MEIKIN: variants seen among roughly 807,000 people sequenced by gnomAD.
The protein encoded by MEIKIN is meiotic kinetochore factor, also known as meiosis-specific kinetochore protein.
intron 4 of MEIKIN, among the ~76,000 whole-genome samples, chr5:131,936,680 C>G (rs950040838): frequency 1.3e-5 from 2 of 152,042 alleles, no homozygotes; most frequent in Admixed American, 6.6e-5. Flanking sequence ...CTGCAACCTC[C>G]GCCTCCCAAG....
At chr5:131,832,493 A>G (rs1384130932) in intron 11 of MEIKIN, among the ~76,000 whole-genome samples, 1 of 152,084 alleles carries the variant, frequency 6.6e-6, no homozygotes, top group Non-Finnish European at 1.5e-5. Flanking sequence ...GCAAGCTGTC[A>G]GTGGTTCTAC....
chr5:131,855,545 G>C (rs1272857072), intron 9 of MEIKIN, among the ~76,000 whole-genome samples: 1 of 151,838 alleles, frequency 6.6e-6, no homozygotes, highest in Non-Finnish European at 1.5e-5. Flanking sequence ...GGGAGGAAGG[G>C]AGAAGAGGGG....
chr5:131,914,607 GAAGGAAAGGGAAGGA>G (rs1561753832), intron 7 of MEIKIN, among the ~76,000 whole-genome samples: 1 of 9,338 alleles, frequency 1.1e-4, no homozygotes, highest in Non-Finnish European at 2.2e-4. Flanking sequence ...GAAGGGAAGG[GAAGGAAAGGGAAGGA>G]AAGGAATTCT....
intron 12 of MEIKIN, among the ~76,000 whole-genome samples, chr5:131,810,230 CAT>C (rs1772927499): frequency 2.0e-5 from 3 of 152,170 alleles, no homozygotes; most frequent in Admixed American, 1.3e-4. Context: ...CTAAAGATAA[CAT>C]ATGCATCCAG....
chr5:131,942,215 C>T (rs536026089), intron 4 of MEIKIN, among the ~76,000 whole-genome samples: 1 of 152,350 alleles, frequency 6.6e-6, no homozygotes, highest in Non-Finnish European at 1.5e-5. Flanking sequence ...CTCCTACTCT[C>T]TGTACTGCAG....
intron 8 of MEIKIN, among the ~76,000 whole-genome samples, chr5:131,898,923 C>T (rs759666785): frequency 2.5e-4 from 38 of 152,170 alleles, no homozygotes; most frequent in Middle Eastern, 3.2e-3. Context: ...TTGCCTTCCA[C>T]GGGCTGTACC....
chr5:131,943,532 TCTACAAGACAAAGCA>T (rs1751909514), intron 3 of MEIKIN, among the ~76,000 whole-genome samples: 2 of 152,204 alleles, frequency 1.3e-5, no homozygotes, highest in Admixed American at 1.3e-4. Flanking sequence ...AGTGTATCTA[TCTACAAGACAAAGCA>T]CTATGAAGAC....
rs1750660396 is a variant in MEIKIN, at chr5:131,879,032, C to T, written c.720G>A (p.Glu240=). 2.5e-6 allele frequency: 1 copy of T among 398,598 alleles called. No homozygotes were observed. The highest frequency in any genetic ancestry group is 4.4e-6 in the Non-Finnish European group (1 of 225,860). The allele number at this position is 398,598 out of a possible 1,614,324, so 24.7% of individuals were successfully genotyped here. A position where few individuals can be genotyped will look rare whatever the true frequency, so the allele number is the denominator to read the frequency against. The change falls in exon 9 of 13, where the codon GAG becomes GAA. Residue 240 remains glutamate (E), a synonymous_variant. Transcript: ENST00000442687. ...GGCAAGTTTTCTCAGCAAGTAAAAT[C>T]TCACAAGCTGCATTATCTATAAATA... ...SNSESDNAAC[E]ILLAEKTCPS... is the part of the protein sequence containing the mutation.
At chr5:131,877,152 T>C (rs1308800257) in intron 9 of MEIKIN, among the ~76,000 whole-genome samples, 1 of 151,868 alleles carries the variant, frequency 6.6e-6, no homozygotes, top group East Asian at 1.9e-4. Flanking sequence ...ATAATAATAA[T>C]AAAATTTTTA....
In MEIKIN at chr5:131,945,663, T is replaced by C. The variant is rs575223542; in HGVS notation, c.-158A>G. On this transcript the variant is annotated 5_prime_UTR_variant, in exon 1 of 13. Transcript: ENST00000442687. ...CGAGCGAAAGCAAAAGCCCCAGAAC[T>C]GGAGCCGCCGGGCCTCGCTCCCGCG... The C allele has an allele frequency of 6.4e-5, 25 of 392,552 alleles. No homozygotes were observed. The highest frequency in any genetic ancestry group is 6.2e-4 in the Admixed American group (14 of 22,526). The allele number at this position is 392,552 out of a possible 1,614,324, so 24.3% of individuals were successfully genotyped here.
At chr5:131,895,873 G>T (rs1751039840) in intron 8 of MEIKIN, among the ~76,000 whole-genome samples, 1 of 152,100 alleles carries the variant, frequency 6.6e-6, no homozygotes. Flanking sequence ...GGTTTTTTGT[G>T]TCTCTATCTC....
intron 11 of MEIKIN, among the ~76,000 whole-genome samples, chr5:131,826,475 A>G (rs1015729312): frequency 6.6e-6 from 1 of 152,148 alleles, no homozygotes; most frequent in Non-Finnish European, 1.5e-5. Context: ...TTTTTTGCCA[A>G]CAAAGTTGAG....
chr5:131,821,890 G>T (rs976430062), intron 11 of MEIKIN, among the ~76,000 whole-genome samples: 4 of 151,868 alleles, frequency 2.6e-5, no homozygotes, highest in Non-Finnish European at 4.4e-5. Context: ...CTCCCAAAGT[G>T]CTAGGATTAC....
chr5:131,889,895 T>C (rs1025947413), intron 8 of MEIKIN, among the ~76,000 whole-genome samples: 9 of 152,216 alleles, frequency 5.9e-5, no homozygotes, highest in African/African-American at 2.2e-4. Context: ...CATCAATACC[T>C]AATTTATTGA....
chr5:131,827,856 A>C (rs1017126331), intron 11 of MEIKIN, among the ~76,000 whole-genome samples: 2 of 152,142 alleles, frequency 1.3e-5, no homozygotes, highest in African/African-American at 4.8e-5. Flanking sequence ...AAAATTGACC[A>C]TGTATTAGGC....
At chr5:131,814,073 G>A (rs1317813604) in intron 12 of MEIKIN, among the ~76,000 whole-genome samples, 1 of 151,892 alleles carries the variant, frequency 6.6e-6, no homozygotes, top group African/African-American at 2.4e-5. Flanking sequence ...CTGGCATGCT[G>A]GTAGCTGATT....
At chr5:131,845,008 C>T (rs973341194) in intron 11 of MEIKIN, among the ~76,000 whole-genome samples, 6 of 152,246 alleles carry the variant, frequency 3.9e-5, no homozygotes, top group Middle Eastern at 3.4e-3. Flanking sequence ...CGGTGGCTCA[C>T]GCCTATAATC....
chr5:131,871,046 G>T (rs866908915), intron 9 of MEIKIN, among the ~76,000 whole-genome samples: 1 of 152,238 alleles, frequency 6.6e-6, no homozygotes, highest in South Asian at 2.1e-4. Context: ...AATAGGAACA[G>T]CTCAGGTCTA....
At position 131,913,940 on chromosome 5, in the gene MEIKIN, T is replaced by C. The variant is rs375960155; in HGVS notation, c.639-2061A>G. 2.5e-4 allele frequency among the ~76,000 whole-genome samples: 38 copies of C among 152,290 alleles called. No homozygotes were observed. The East Asian group carries it at 5.4e-3, about 22-fold the overall frequency. On this transcript the variant is annotated intron_variant, in intron 7 of 12. Coordinates refer to ENST00000442687, the MANE Select transcript of MEIKIN (RefSeq NM_001303622.2). ...AAATTTAATAGCCAACGTGGTAGTA[T>C]TGAGAGACAGGGTCTTTAAGAGGTG...
Sources: allele counts gnomAD v4.1 joint callset (sites outside exome capture counted in the v4.1 genomes callset), GRCh38; gene constraint gnomAD v4.1.1; transcripts MANE v1.5; gene names NCBI Gene and HGNC (gene_info 2026-07-23, HGNC 2026-07-21).